The following DPP10 variants were observed in gnomAD, a reference collection of about 807,000 sequenced individuals.
DPP10 encodes dipeptidyl peptidase like 10, also known as inactive dipeptidyl peptidase 10.
A neutral mutation model predicts 120.9 loss-of-function variants in DPP10; 33 were observed. That is an observed-to-expected ratio of 0.27 (90% CI 0.21 to 0.37). DPP10 has a LOEUF of 0.37. DPP10 is among the 10% of genes least tolerant of loss of function. DPP10 has a pLI of 1.00. For missense variants in DPP10, 816 were observed against 942.8 expected (o/e 0.87, Z 1.76); for synonymous variants, 337 against 326.1 (o/e 1.03, Z -0.36).
chr2:115,249,692 G>A (rs375431556), intron 1 of DPP10, among the ~76,000 whole-genome samples: 2 of 151,888 alleles, frequency 1.3e-5, no homozygotes, highest in African/African-American at 2.4e-5. Context: ...CAACTTCTAC[G>A]TAAGAAGAAT....
chr2:115,104,747 C>T (rs1354388761), intron 1 of DPP10, among the ~76,000 whole-genome samples: 2 of 152,166 alleles, frequency 1.3e-5, no homozygotes, highest in Non-Finnish European at 2.9e-5. Flanking sequence ...GTGGCTCATG[C>T]CTATAATCCC....
In DPP10 at chr2:115,007,752, C is replaced by T. The variant is rs527398186; in HGVS notation, c.61-301487C>T. ...AGTCTCAGGATACAAAATCAATGTGCAAAAATCACAAGCATTCCTATACAC... is the reference window on the plus strand; with the variant it reads ...AGTCTCAGGATACAAAATCAATGTGTAAAAATCACAAGCATTCCTATACAC... On this transcript the variant is annotated intron_variant, in intron 1 of 25. Transcript: ENST00000410059. 7.8e-3 allele frequency among the ~76,000 whole-genome samples: 1,168 copies of T among 150,640 alleles called. 14 individuals are homozygous for T. Among genetic ancestry groups the T allele is most frequent in the African/African-American group, 0.027 (1,093 of 40,992 alleles).
At chr2:114,792,224 C>G (rs1477774852) in intron 1 of DPP10, among the ~76,000 whole-genome samples, 2 of 152,090 alleles carry the variant, frequency 1.3e-5, no homozygotes, top group African/African-American at 4.8e-5. Flanking sequence ...GAATATAACG[C>G]ATGGAGCACC....
intron 1 of DPP10, among the ~76,000 whole-genome samples, chr2:114,816,823 G>T (rs1485888846): frequency 6.6e-6 from 1 of 152,130 alleles, no homozygotes; most frequent in Admixed American, 6.5e-5. Context: ...GAACGCTTGG[G>T]GGTAGTCAGA....
At chr2:115,044,643 T>A (rs1366255478) in intron 1 of DPP10, among the ~76,000 whole-genome samples, 1 of 152,056 alleles carries the variant, frequency 6.6e-6, no homozygotes, top group Non-Finnish European at 1.5e-5. Flanking sequence ...AACATGAGAT[T>A]TTGGGGAGAA....
At chr2:115,672,423 C>G (rs1332730042) in intron 5 of DPP10, among the ~76,000 whole-genome samples, 1 of 151,674 alleles carries the variant, frequency 6.6e-6, no homozygotes, top group East Asian at 1.9e-4. Context: ...TAGAACATAA[C>G]TGTAAAAAAT....
intron 1 of DPP10, among the ~76,000 whole-genome samples, chr2:114,487,363 G>A (rs543587783): frequency 2.0e-5 from 3 of 152,266 alleles, no homozygotes; most frequent in South Asian, 4.1e-4. Context: ...AGTCCTGTCA[G>A]CTTCTGTGGT....
chr2:115,823,150 G>A (rs115445971), intron 21 of DPP10, among the ~76,000 whole-genome samples: 1,965 of 152,082 alleles, frequency 0.013, 45 homozygotes, highest in African/African-American at 0.043. Flanking sequence ...CTTGTGTACT[G>A]TTTATTTACT....
At chr2:114,979,624 C>T (rs1699963850) in intron 1 of DPP10, among the ~76,000 whole-genome samples, 1 of 151,918 alleles carries the variant, frequency 6.6e-6, no homozygotes, top group Admixed American at 6.6e-5. Flanking sequence ...CTTGTTATTG[C>T]AAAAGCTATA....
At chr2:115,096,272 T>C (rs1045634231) in intron 1 of DPP10, among the ~76,000 whole-genome samples, 2 of 152,154 alleles carry the variant, frequency 1.3e-5, no homozygotes, top group African/African-American at 4.8e-5. Flanking sequence ...CAAAGCTTTA[T>C]TTTCAAAAAG....
At chr2:115,658,172 T>C (rs2088567915) in intron 5 of DPP10, among the ~76,000 whole-genome samples, 1 of 152,008 alleles carries the variant, frequency 6.6e-6, no homozygotes, top group Non-Finnish European at 1.5e-5. Flanking sequence ...TCTCTATTCC[T>C]AAAGTCTAGT....
chr2:115,072,840 T>C (rs912568180), intron 1 of DPP10, among the ~76,000 whole-genome samples: 1 of 152,160 alleles, frequency 6.6e-6, no homozygotes, highest in Non-Finnish European at 1.5e-5. Context: ...TGGAGTGCAG[T>C]GGTGTGATCT....
intron 1 of DPP10, among the ~76,000 whole-genome samples, chr2:114,879,180 T>A: frequency 6.6e-6 from 1 of 151,940 alleles, no homozygotes; most frequent in East Asian, 1.9e-4. Flanking sequence ...CCTCCCTACT[T>A]CTTCTCTGAA....
At chr2:115,331,852 A>G (rs895717507) in intron 2 of DPP10, among the ~76,000 whole-genome samples, 4 of 151,988 alleles carry the variant, frequency 2.6e-5, no homozygotes, top group African/African-American at 4.8e-5. Flanking sequence ...TTTTTGCATC[A>G]ATGTTCATCA....
At chr2:115,379,973 G>C (rs377581076) in intron 3 of DPP10, among the ~76,000 whole-genome samples, 1 of 152,080 alleles carries the variant, frequency 6.6e-6, no homozygotes, top group Non-Finnish European at 1.5e-5. Flanking sequence ...TTACTTCCAA[G>C]TATGTGGTCA....
At chr2:114,467,212 G>C (rs567868101) in intron 1 of DPP10, among the ~76,000 whole-genome samples, 2 of 152,078 alleles carry the variant, frequency 1.3e-5, no homozygotes, top group African/African-American at 4.8e-5. Flanking sequence ...TAAGGGATAT[G>C]GTTTTAACAT....
At chr2:114,977,423 C>A (rs532422014) in intron 1 of DPP10, among the ~76,000 whole-genome samples, 1 of 152,060 alleles carries the variant, frequency 6.6e-6, no homozygotes, top group Non-Finnish European at 1.5e-5. Context: ...ATTATTTGAA[C>A]GGTGGATACT....
intron 1 of DPP10, among the ~76,000 whole-genome samples, chr2:115,287,910 A>C (rs2060469972): frequency 6.6e-6 from 1 of 152,178 alleles, no homozygotes; most frequent in African/African-American, 2.4e-5. Context: ...TTATTTATCC[A>C]CTTATCTATT....
At chr2:115,796,893 A>T (rs1684592533) in intron 19 of DPP10, among the ~76,000 whole-genome samples, 1 of 152,036 alleles carries the variant, frequency 6.6e-6, no homozygotes, top group Non-Finnish European at 1.5e-5. Flanking sequence ...ACAGAAGGAA[A>T]AGTTAAGGTT....
Sources: allele counts gnomAD v4.1 joint callset (sites outside exome capture counted in the v4.1 genomes callset), GRCh38; gene constraint gnomAD v4.1.1; transcripts MANE v1.5; gene names NCBI Gene and HGNC (gene_info 2026-07-23, HGNC 2026-07-21).